PLB1: variants seen among roughly 807,000 people sequenced by gnomAD.
The protein encoded by PLB1 is phospholipase B1, membrane-associated.
In PLB1, 242 loss-of-function variants were observed where a neutral mutation model predicts 227.4. The ratio of observed to expected loss-of-function variants is 1.06; its 90% CI spans 0.96 to 1.18. The LOEUF is 1.18. Among genes scored for constraint, PLB1 ranks in the 50% most tolerant of loss-of-function variants. The pLI, the probability that PLB1 is intolerant of heterozygous loss-of-function variation, is 0.00. For missense variants in PLB1, 1,858 were observed against 1,816.3 expected (o/e 1.02, Z -0.42); for synonymous variants, 757 against 682.2 (o/e 1.11, Z -1.71).
chr2:28,603,778 C>T (rs947699090), intron 39 of PLB1, among the ~76,000 whole-genome samples, 188 bp from the exon 40 acceptor site: 12 of 152,224 alleles, frequency 7.9e-5, no homozygotes, highest in Admixed American at 7.2e-4. Context: ...TCCCTCGGGC[C>T]ATCTCCAGTG....
In PLB1 at chr2:28,628,223, G is replaced by A. The variant is rs1045910571; in HGVS notation, c.3661-340G>A. On this transcript the variant is annotated intron_variant, in intron 51 of 57. Coordinates refer to ENST00000327757, the MANE Select transcript of PLB1 (RefSeq NM_153021.5). ...GTGTGGCCACCCAGGGCATGGCAAG[G>A]GGCTGGAGAAGGCTGAGGTCAGATG... 2.3e-4 allele frequency among the ~76,000 whole-genome samples: 35 copies of A among 152,326 alleles called. 1 individual carries two copies. Among genetic ancestry groups the A allele is most frequent in the African/African-American group, 8.4e-4 (35 of 41,574 alleles).
chr2:28,560,948 C>T (rs1268500601), intron 17 of PLB1, among the ~76,000 whole-genome samples: 1 of 152,210 alleles, frequency 6.6e-6, no homozygotes, highest in African/African-American at 2.4e-5. Flanking sequence ...GACCCTACCA[C>T]ATCCATCCAT....
At chr2:28,563,770 C>T (rs1404024831) in intron 18 of PLB1, among the ~76,000 whole-genome samples, 1 of 152,114 alleles carries the variant, frequency 6.6e-6, no homozygotes, top group Non-Finnish European at 1.5e-5. Flanking sequence ...ATTCAACAGC[C>T]TCTCATCAGA....
chr2:28,543,663 G>T (rs890240688), intron 14 of PLB1, among the ~76,000 whole-genome samples: 5 of 152,218 alleles, frequency 3.3e-5, no homozygotes, highest in Non-Finnish European at 7.3e-5. Flanking sequence ...CCAAGGTGGT[G>T]CCTGGAACAA....
At chr2:28,573,048 A>G (rs1678276985) in intron 20 of PLB1, 149 bp from the exon 21 acceptor site, 8 of 627,338 alleles carry the variant, frequency 1.3e-5, no homozygotes, top group South Asian at 1.1e-4. Context: ...CCTGCTGAAC[A>G]TTTTCTTCCC....
rs564073606 is a variant in PLB1 at position 28,605,058 on chromosome 2, G to T, written c.2961+299G>T. On this transcript the variant is annotated intron_variant, in intron 41 of 57. Coordinates refer to ENST00000327757, the MANE Select transcript of PLB1 (RefSeq NM_153021.5). ...GTGTGATCATCCGCATGGAACACAG[G>T]TGCAGAGATGTGAAGCGTCCTTCCT... 2.0e-5 allele frequency among the ~76,000 whole-genome samples: 3 copies of T among 152,318 alleles called. No homozygotes were observed. The South Asian group carries it at 6.2e-4, about 32-fold the overall frequency.
chr2:28,621,075 C>G (rs1357962228), intron 49 of PLB1, 97 bp downstream of exon 49: 2 of 989,666 alleles, frequency 2.0e-6, no homozygotes, highest in African/African-American at 3.3e-5. Flanking sequence ...GAAGCCTGGT[C>G]CCAGGGGCAA....
At chr2:28,537,857 A>G (rs7586046) in intron 9 of PLB1, among the ~76,000 whole-genome samples, 147,005 of 152,088 alleles carry the variant, frequency 0.97, 71,123 homozygotes, top group East Asian at 0.99. Context: ...GCAAGAGAAA[A>G]GCTAATAAAA....
chr2:28,504,822 T>C (rs1336180401), intron 1 of PLB1, among the ~76,000 whole-genome samples: 1 of 152,222 alleles, frequency 6.6e-6, no homozygotes, highest in Non-Finnish European at 1.5e-5. Context: ...TCCAAAGTCT[T>C]TGTGATCTGT....
At chr2:28,602,972 C>A in intron 39 of PLB1, 51 bp downstream of exon 39, 1 of 1,504,748 alleles carries the variant, frequency 6.6e-7, no homozygotes, top group Non-Finnish European at 9.3e-7. Context: ...ACCTCCTGGT[C>A]TGGCCCACAT....
At chr2:28,524,617 G>A (rs1669976206) in intron 4 of PLB1, among the ~76,000 whole-genome samples, 2 of 152,142 alleles carry the variant, frequency 1.3e-5, no homozygotes, top group Admixed American at 1.3e-4. Flanking sequence ...GTCTAGTAGG[G>A]GGAGAGTTAA....
rs1408236363 is a variant in PLB1, at chr2:28,591,769, C to T, written c.2188+9C>T. Reference sequence around the variant, plus strand: ...CTTGCACCCTACCTCAGGTAAGCCCCCTATGGCACAGCAGGACCCAGGGCC... The same window carrying T: ...CTTGCACCCTACCTCAGGTAAGCCCTCTATGGCACAGCAGGACCCAGGGCC... On this transcript the variant is annotated intron_variant, in intron 31 of 57. Transcript: ENST00000327757. 7 of 1,613,634 alleles carry T rather than the reference C, an allele frequency of 4.3e-6. No individual in the cohort carries two copies. The highest frequency in any genetic ancestry group is 5.9e-6 in the Non-Finnish European group (7 of 1,179,872).
At chr2:28,587,039 G>A (rs189962461) in intron 26 of PLB1, among the ~76,000 whole-genome samples, 157 of 152,262 alleles carry the variant, frequency 1.0e-3, no homozygotes, top group Admixed American at 1.7e-3. Flanking sequence ...GTGAGCCACC[G>A]CGCCAAGCCA....
chr2:28,563,246 G>A lies in PLB1; in HGVS notation c.1206+147G>A, dbSNP rs530727192. ...CCTGATCTCCATCTCTCCATTGTCC[G>A]ACCCACCCTGGCATTCAACAGCATT... On this transcript the variant is annotated intron_variant, in intron 18 of 57. Transcript: ENST00000327757. 639 of 787,784 alleles carry A rather than the reference G, an allele frequency of 8.1e-4. 4 individuals are homozygous for A. In the African/African-American group the frequency reaches 9.3e-3, roughly 11 times the overall value. 48.8% of individuals were successfully genotyped at this position (787,784 alleles called of 1,614,324 possible). A position where few individuals can be genotyped will look rare whatever the true frequency, so the allele number is the denominator to read the frequency against.
At position 28,540,380 on chromosome 2, in the gene PLB1, C is replaced by A. The variant is rs766958205; in HGVS notation, c.713C>A (p.Pro238His). The change falls in exon 12 of 58, where the codon CCC (proline) becomes CAC (histidine). Residue 238 changes from proline (P) to histidine (H), a missense_variant. Transcript: ENST00000327757. ...TTAACCTGCAGCCCTGCACCAGAGC[C>A]CTGTAATTGCTCAGAGGAGACCACC... Reference protein sequence around the residue: ...HGTWLSPAPEPCNCSEETTRL... With the variant: ...HGTWLSPAPEHCNCSEETTRL... The A allele has an allele frequency of 1.7e-5, 28 of 1,614,056 alleles. No homozygotes were observed. The South Asian group carries it at 3.1e-4, about 18-fold the overall frequency.
intron 16 of PLB1, among the ~76,000 whole-genome samples, chr2:28,551,466 A>G (rs1232749422): frequency 6.6e-6 from 1 of 152,214 alleles, no homozygotes; most frequent in Non-Finnish European, 1.5e-5. Context: ...TTTTATGGAA[A>G]AGGGTGAGAT....
At chr2:28,578,276 T>A in intron 22 of PLB1, 118 bp downstream of exon 22, 1 of 904,618 alleles carries the variant, frequency 1.1e-6, no homozygotes, top group Non-Finnish European at 1.8e-6. Flanking sequence ...ATCTGAAGCC[T>A]AAAACACTGC....
Position 28,598,020 on chromosome 2 carries a change from C to T in PLB1, c.2337C>T (p.Gly779=), listed in dbSNP as rs1382600505. The T allele has an allele frequency of 5.0e-6, 8 of 1,613,268 alleles. No individual in the cohort carries two copies. The highest frequency in any genetic ancestry group is 6.8e-6 in the Non-Finnish European group (8 of 1,179,428). ...RGLSYSAGGD[G]SLENVTTLPN... Reference sequence around the variant, plus strand: ...CTCCCTACAGTGCAGGAGGGGACGGCTCCCTGGAGAATGTGACCACCTTAC... The same window carrying T: ...CTCCCTACAGTGCAGGAGGGGACGGTTCCCTGGAGAATGTGACCACCTTAC... Residue 779 remains glycine (G), a synonymous_variant, in exon 34 of 58, where the codon GGC becomes GGT. Coordinates refer to ENST00000327757, the MANE Select transcript of PLB1 (RefSeq NM_153021.5).
chr2:28,620,782 T>A (rs1283877234), intron 48 of PLB1, 97 bp from the exon 49 acceptor site: 1 of 1,490,188 alleles, frequency 6.7e-7, no homozygotes, highest in Non-Finnish European at 9.4e-7. Flanking sequence ...AACTCCTGTG[T>A]CCCACCCATG....
Sources: gnomAD v4.1 joint callset for allele counts (sites outside exome capture counted in the v4.1 genomes callset) on GRCh38, gnomAD v4.1.1 for gene constraint, MANE v1.5 for transcripts, NCBI Gene and HGNC (gene_info 2026-07-23, HGNC 2026-07-21) for gene names.